The following SLC1A6 variants were observed in gnomAD, a reference collection of about 807,000 sequenced individuals.
SLC1A6 encodes solute carrier family 1 member 6, also known as excitatory amino acid transporter 4.
Under a neutral mutation model 42.1 loss-of-function variants are expected in SLC1A6, and 15 were observed. That is an observed-to-expected ratio of 0.36 (90% CI 0.24 to 0.55). The LOEUF (loss-of-function observed/expected upper bound fraction) is 0.55, where lower values mean the gene tolerates loss of function less well. Among genes scored for constraint, SLC1A6 ranks in the 20% least tolerant of loss-of-function variants. The pLI is 0.88. For synonymous variants in SLC1A6, 317 were observed against 319.7 expected (o/e 0.99, Z 0.09); for missense variants, 542 against 772.5 (o/e 0.70, Z 3.54).
At chr19:15,000,697 A>G (rs545656471) in intron 1 of SLC1A6, among the ~76,000 whole-genome samples, 42 of 152,276 alleles carry the variant, frequency 2.8e-4, no homozygotes, top group African/African-American at 8.4e-4. Context: ...TGACATACTG[A>G]TGCCATTTCC....
upstream of SLC1A6, among the ~76,000 whole-genome samples, chr19:14,981,693 G>A (rs2145225112): frequency 6.6e-6 from 1 of 152,290 alleles, no homozygotes; most frequent in South Asian, 2.1e-4. Flanking sequence ...AAATAAAATA[G>A]CAGTTGTTCC....
intron 9 of SLC1A6, 56 bp from the exon 10 acceptor site, chr19:14,950,446 A>C (rs2045400230): frequency 7.2e-7 from 1 of 1,390,504 alleles, no homozygotes; most frequent in Admixed American, 2.1e-5. Context: ...GCTTCACAGA[A>C]AGAGGGTGCA....
chr19:15,001,408 G>T (rs1183938353), intron 1 of SLC1A6, among the ~76,000 whole-genome samples: 1 of 152,198 alleles, frequency 6.6e-6, no homozygotes, highest in Non-Finnish European at 1.5e-5. Flanking sequence ...ATATAAAAAT[G>T]CAGAATAAGA....
At chr19:14,950,452 G>T in intron 9 of SLC1A6, 62 bp from the exon 10 acceptor site, 1 of 1,326,278 alleles carries the variant, frequency 7.5e-7, no homozygotes, top group Non-Finnish European at 1.0e-6. Flanking sequence ...CAGAAAGAGG[G>T]TGCAGCAGAG....
intron 3 of SLC1A6, among the ~76,000 whole-genome samples, chr19:14,969,606 T>C (rs2045614639): frequency 6.6e-6 from 1 of 152,196 alleles, no homozygotes. Flanking sequence ...CCTTGCGAGT[T>C]TCTCTTGAGA....
At chr19:14,951,572 A>G (rs1000343859) in intron 9 of SLC1A6, among the ~76,000 whole-genome samples, 3 of 152,014 alleles carry the variant, frequency 2.0e-5, no homozygotes, top group African/African-American at 7.2e-5. Flanking sequence ...GCTGGAGTGC[A>G]GTGGTGCGAT....
rs768505095 is a variant in SLC1A6 at position 14,954,187 on chromosome 19, T to C, written c.1312A>G (p.Ile438Val). The C allele has an allele frequency of 6.2e-7, 1 of 1,613,932 alleles. No homozygotes were observed. Among genetic ancestry groups the C allele is most frequent in the Non-Finnish European group, 8.5e-7 (1 of 1,179,908 alleles). Reference sequence around the variant, plus strand: ...AGCTCGTAGTTGTTAACTTGAGCAATGAAGATGGCAGCCAGGGCCTCGTAG... The same window carrying C: ...AGCTCGTAGTTGTTAACTTGAGCAACGAAGATGGCAGCCAGGGCCTCGTAG... Reference protein sequence around the residue: ...ALYEALAAIFIAQVNNYELNL... With the variant: ...ALYEALAAIFVAQVNNYELNL... The change falls in exon 8 of 10, where the codon ATT (isoleucine) becomes GTT (valine). Residue 438 changes from isoleucine (I) to valine (V), a missense_variant. Ile to Val is a conservative substitution (Grantham distance 29). Coordinates refer to ENST00000594383, the MANE Select transcript of SLC1A6 (RefSeq NM_005071.3).
chr19:14,963,388 A>G (rs987878664), intron 5 of SLC1A6, among the ~76,000 whole-genome samples: 1 of 152,204 alleles, frequency 6.6e-6, no homozygotes, highest in African/African-American at 2.4e-5. Context: ...ATTATACAAC[A>G]TGGTGACTAT....
chr19:14,956,264 A>G, intron 7 of SLC1A6, among the ~76,000 whole-genome samples: 1 of 152,172 alleles, frequency 6.6e-6, no homozygotes, highest in East Asian at 1.9e-4. Context: ...TCCTCCACAG[A>G]AAGTTAAAAA....
At chr19:14,993,791 G>T (rs1466541704) in intron 1 of SLC1A6, among the ~76,000 whole-genome samples, 1 of 152,226 alleles carries the variant, frequency 6.6e-6, no homozygotes, top group Admixed American at 6.5e-5. Flanking sequence ...TGCTCCTTCA[G>T]CTGAGTGCTT....
intron 1 of SLC1A6, among the ~76,000 whole-genome samples, chr19:14,995,348 AG>A (rs372674095): frequency 0.092 from 11,031 of 120,442 alleles, 956 homozygotes; most frequent in African/African-American, 0.14. Context: ...AAAAAAAGAA[AG>A]AAAGAAAGAA....
chr19:14,995,970 T>A (rs956641249), intron 1 of SLC1A6, among the ~76,000 whole-genome samples: 5 of 152,162 alleles, frequency 3.3e-5, no homozygotes, highest in East Asian at 1.9e-4. Context: ...CTTAAAGATT[T>A]TTTTTACTAT....
intron 1 of SLC1A6, among the ~76,000 whole-genome samples, chr19:15,009,542 T>C (rs1266222021): frequency 1.3e-5 from 2 of 151,866 alleles, no homozygotes; most frequent in African/African-American, 4.8e-5. Flanking sequence ...CACTTCTAAG[T>C]GGAAGCTAAA....
At chr19:14,962,893 C>T (rs2045531285) in intron 5 of SLC1A6, among the ~76,000 whole-genome samples, 1 of 152,010 alleles carries the variant, frequency 6.6e-6, no homozygotes, top group African/African-American at 2.4e-5. Context: ...CAGAGTGAGA[C>T]TCCATCTCAA....
At chr19:14,956,799 G>C (rs2045467030) in intron 6 of SLC1A6, 90 bp from the exon 7 acceptor site, 1 of 800,392 alleles carries the variant, frequency 1.2e-6, no homozygotes, top group Non-Finnish European at 2.0e-6. Context: ...TGCCCATATA[G>C]GGCCCTGGAG....
intron 1 of SLC1A6, among the ~76,000 whole-genome samples, chr19:14,988,471 G>A (rs2045803250): frequency 1.3e-5 from 2 of 152,140 alleles, no homozygotes; most frequent in South Asian, 4.1e-4. Context: ...AATGGGCAAA[G>A]GACTTGAACA....
intron 8 of SLC1A6, 80 bp from the exon 9 acceptor site, chr19:14,953,142 G>A (rs1273293773): frequency 1.8e-6 from 2 of 1,127,986 alleles, no homozygotes; most frequent in African/African-American, 1.6e-5. Context: ...ACAGAGAGAA[G>A]GGAAGAGATC....
chr19:14,986,739 C>T (rs948475533), intron 1 of SLC1A6, among the ~76,000 whole-genome samples: 18 of 151,830 alleles, frequency 1.2e-4, no homozygotes, highest in African/African-American at 3.6e-4. Context: ...TACAGGTGTG[C>T]GCCACCAGGT....
At chr19:14,975,010 A>T (rs1193799316) in intron 1 of SLC1A6, 1 of 149,632 alleles carries the variant, frequency 6.7e-6, no homozygotes, top group African/African-American at 2.5e-5. Flanking sequence ...CCCTAAAAAA[A>T]TTAAAAATTA....
Sources: gnomAD v4.1 joint callset for allele counts (sites outside exome capture counted in the v4.1 genomes callset) on GRCh38, gnomAD v4.1.1 for gene constraint, MANE v1.5 for transcripts, NCBI Gene and HGNC (gene_info 2026-07-23, HGNC 2026-07-21) for gene names.